The following GLI3 variants were observed in gnomAD, a reference collection of about 807,000 sequenced individuals.
GLI3 encodes the protein GLI family zinc finger 3, also known as transcription activator GLI3.
A neutral mutation model predicts 100.8 loss-of-function variants in GLI3; 20 were observed. The observed-to-expected ratio is 0.20, with a 90% CI of 0.14 to 0.29. The LOEUF is 0.29. Among genes scored for constraint, GLI3 ranks in the 10% least tolerant of loss-of-function variants. GLI3 has a pLI of 1.00. For missense variants in GLI3, 2,040 were observed against 2,128.5 expected (o/e 0.96, Z 0.82); for synonymous variants, 938 against 860.5 (o/e 1.09, Z -1.58).
At chr7:42,082,775 A>T (rs561788875) in intron 3 of GLI3, among the ~76,000 whole-genome samples, 96 of 152,122 alleles carry the variant, frequency 6.3e-4, no homozygotes, top group African/African-American at 2.0e-3. Flanking sequence ...CTTTTTTTTT[A>T]AATTATCTAT....
intron 4 of GLI3, among the ~76,000 whole-genome samples, chr7:42,060,357 T>C (rs1349816935): frequency 1.3e-5 from 2 of 152,150 alleles, no homozygotes; most frequent in Non-Finnish European, 2.9e-5. Flanking sequence ...CACTTCGGCA[T>C]TACTTAGGCG....
chr7:42,120,795 C>T (rs1416532782), intron 3 of GLI3, among the ~76,000 whole-genome samples: 2 of 152,160 alleles, frequency 1.3e-5, no homozygotes, highest in African/African-American at 4.8e-5. Flanking sequence ...TAAAGCTTAA[C>T]TTTTTTTCTA....
chr7:42,010,762 C>T (rs1012417947), intron 10 of GLI3, among the ~76,000 whole-genome samples: 1 of 152,166 alleles, frequency 6.6e-6, no homozygotes, highest in African/African-American at 2.4e-5. Flanking sequence ...GCCATTAAAA[C>T]AATATGATTT....
chr7:42,083,744 C>T (rs1285445249), intron 3 of GLI3, among the ~76,000 whole-genome samples: 7 of 152,128 alleles, frequency 4.6e-5, no homozygotes, highest in African/African-American at 1.7e-4. Flanking sequence ...ATTTTCAATG[C>T]ACTTTCTTCA....
chr7:42,078,212 T>C (rs1393307548), intron 3 of GLI3, among the ~76,000 whole-genome samples: 1 of 152,226 alleles, frequency 6.6e-6, no homozygotes, highest in African/African-American at 2.4e-5. Flanking sequence ...TAGATGTGTG[T>C]AATGTTGAAT....
At chr7:42,021,944 A>C (rs915622814) in intron 10 of GLI3, among the ~76,000 whole-genome samples, 1 of 152,236 alleles carries the variant, frequency 6.6e-6, no homozygotes, top group Non-Finnish European at 1.5e-5. Context: ...TTGATATTCC[A>C]ATGTTTTTGT....
intron 3 of GLI3, among the ~76,000 whole-genome samples, chr7:42,127,520 G>C (rs1299303890): frequency 6.6e-6 from 1 of 152,146 alleles, no homozygotes; most frequent in Non-Finnish European, 1.5e-5. Flanking sequence ...TTCTTAGACA[G>C]GGCCAGTTTC....
At chr7:42,027,059 C>A (rs1346266202) in intron 7 of GLI3, among the ~76,000 whole-genome samples, 3 of 152,240 alleles carry the variant, frequency 2.0e-5, no homozygotes, top group African/African-American at 7.2e-5. Context: ...GAGAGCACTG[C>A]TCCCTCTTCT....
chr7:42,230,216 T>C (rs1788672262), intron 1 of GLI3, among the ~76,000 whole-genome samples: 1 of 151,950 alleles, frequency 6.6e-6, no homozygotes. Flanking sequence ...TTTTCCATAA[T>C]CAGGAAAGCC....
chr7:42,053,449 AG>A (rs1322403627), intron 4 of GLI3, among the ~76,000 whole-genome samples: 1 of 152,166 alleles, frequency 6.6e-6, no homozygotes, highest in Admixed American at 6.5e-5. Context: ...AGGACAGGGG[AG>A]GTATGGAGAA....
At chr7:42,142,190 G>A (rs1786584737) in intron 3 of GLI3, among the ~76,000 whole-genome samples, 1 of 152,094 alleles carries the variant, frequency 6.6e-6, no homozygotes, top group Admixed American at 6.5e-5. Flanking sequence ...TTGTTAGATA[G>A]GCCTTTAAAC....
chr7:42,066,742 C>T (rs112260415), intron 4 of GLI3, among the ~76,000 whole-genome samples: 3,075 of 152,316 alleles, frequency 0.02, 88 homozygotes, highest in African/African-American at 0.071. Flanking sequence ...CACCTCTGCT[C>T]ACAGCTCCAG....
intron 2 of GLI3, among the ~76,000 whole-genome samples, chr7:42,157,891 A>G (rs1046999560): frequency 6.6e-6 from 1 of 152,230 alleles, no homozygotes; most frequent in African/African-American, 2.4e-5. Context: ...AGGTGTGCAC[A>G]TATTAATAAC....
rs755403372 is a variant in GLI3 at position 41,965,065 on chromosome 7, C to T, written c.4008G>A (p.Gly1336=). 1.5e-5 allele frequency: 25 copies of T among 1,613,722 alleles called. No individual in the cohort carries two copies. In the Middle Eastern group the frequency reaches 4.9e-4, roughly 32 times the overall value. The change falls in exon 15 of 15, where the codon GGG becomes GGA. Residue 1336 remains glycine, a synonymous_variant. Coordinates refer to ENST00000395925, the MANE Select transcript of GLI3 (RefSeq NM_000168.6). ...GCATCTGCTGACCGGGGCGGCCTGC[C>T]CCCGGGTGCTGCATGCTGTCGCCGA... ...QLLGDSMQHP[G]AGRPGQQMLG...
chr7:42,254,699 T>C (rs1789067780), intron 1 of GLI3, among the ~76,000 whole-genome samples: 1 of 152,194 alleles, frequency 6.6e-6, no homozygotes, highest in Non-Finnish European at 1.5e-5. Flanking sequence ...AATTTTTTTC[T>C]GTAATGAAAC....
chr7:42,237,699 G>C (rs1010752964), upstream of GLI3: 1 of 151,936 alleles, frequency 6.6e-6, no homozygotes, highest in Non-Finnish European at 1.5e-5. Context: ...GCCACTCTCG[G>C]GCTCGGAGGG....
At position 42,048,645 on chromosome 7, in the gene GLI3, C is replaced by G; in HGVS notation, c.525G>C (p.Arg175Ser). 1 of 1,610,196 alleles carries G rather than the reference C, an allele frequency of 6.2e-7. No homozygotes were observed. Among genetic ancestry groups the G allele is most frequent in the African/African-American group, 1.4e-5 (1 of 73,482 alleles). ...SPTYPDLPFI[R>S]ISPHRNPTAA... is the part of the protein sequence containing the mutation. Reference sequence around the variant, plus strand: ...CAGTGGGGTTCCGGTGTGGGGAGATCCTAATGAAGGGCAGGTCCGGATACG... The same window carrying G: ...CAGTGGGGTTCCGGTGTGGGGAGATGCTAATGAAGGGCAGGTCCGGATACG... Residue 175 changes from arginine to serine, a missense_variant, in exon 5 of 15, where the codon AGG (arginine) becomes AGC (serine). Physicochemically the swap from Arg to Ser is moderately radical, Grantham distance 110. This residue lies in a region of GLI3 where 603 missense variants were observed against 690.9 expected (regional missense o/e 0.87). Coordinates refer to ENST00000395925, the MANE Select transcript of GLI3 (RefSeq NM_000168.6).
At chr7:42,262,270 T>C (rs1297981035) in intron 1 of GLI3, among the ~76,000 whole-genome samples, 8 of 147,234 alleles carry the variant, frequency 5.4e-5, no homozygotes, top group Non-Finnish European at 1.5e-5. Flanking sequence ...CCTCCCTTCC[T>C]TCTTTCTTTC....
chr7:42,187,951 C>T lies in GLI3; in HGVS notation c.124+35179G>A, dbSNP rs549058939. ...CCGGGAGGCAGAGGTTGCAATGAGC[C>T]GAGATCGCGCCACTGCACTCCAGCC... On this transcript the variant is annotated intron_variant, in intron 2 of 14. Coordinates refer to ENST00000395925, the MANE Select transcript of GLI3 (RefSeq NM_000168.6). Among the ~76,000 whole-genome samples, 8 of 145,614 alleles carry T rather than the reference C, an allele frequency of 5.5e-5. No individual in the cohort carries two copies. In the East Asian group the frequency reaches 1.2e-3, roughly 22 times the overall value.
Sources: allele counts gnomAD v4.1 joint callset (sites outside exome capture counted in the v4.1 genomes callset), GRCh38; gene constraint gnomAD v4.1.1; regional missense constraint gnomAD v4.1.1; transcripts MANE v1.5; gene names NCBI Gene and HGNC (gene_info 2026-07-23, HGNC 2026-07-21).